ANAPC1: variants seen among roughly 807,000 people sequenced by gnomAD.
ANAPC1 encodes anaphase-promoting complex subunit 1.
A neutral mutation model predicts 208.0 loss-of-function variants in ANAPC1; 36 were observed. That is an observed-to-expected ratio of 0.17 (90% confidence interval 0.13 to 0.23). The LOEUF (loss-of-function observed/expected upper bound fraction) is 0.23, where lower values mean the gene tolerates loss of function less well. ANAPC1 is among the 10% of genes least tolerant of loss of function. The pLI is 1.00. For missense variants in ANAPC1, 942 were observed against 2,011.6 expected (o/e 0.47, Z 10.17); for synonymous variants, 378 against 695.2 (o/e 0.54, Z 7.18).
At chr2:111,807,561 G>A (rs1326924732) in intron 29 of ANAPC1, among the ~76,000 whole-genome samples, 2 of 149,728 alleles carry the variant, frequency 1.3e-5, no homozygotes, top group African/African-American at 2.5e-5. Context: ...GCATAGTGGC[G>A]GGCGCCTGTA....
intron 17 of ANAPC1, among the ~76,000 whole-genome samples, chr2:111,839,550 T>A (rs1680646517): frequency 2.0e-5 from 3 of 152,238 alleles, no homozygotes; most frequent in South Asian, 4.1e-4. Flanking sequence ...AGTTGATTTC[T>A]ATATAAAAAC....
chr2:111,794,492 C>T (rs890227551), intron 35 of ANAPC1, among the ~76,000 whole-genome samples, 169 bp from the exon 36 acceptor site: 8 of 151,798 alleles, frequency 5.3e-5, no homozygotes, highest in Non-Finnish European at 1.0e-4. Flanking sequence ...GCAGAAGCAT[C>T]GGGTCACCTT....
chr2:111,831,613 G>A (rs909557141), intron 20 of ANAPC1, among the ~76,000 whole-genome samples, 179 bp from the exon 21 acceptor site: 35 of 151,960 alleles, frequency 2.3e-4, no homozygotes, highest in African/African-American at 8.0e-4. Flanking sequence ...GCCCAAGCAG[G>A]TGGATCACGA....
chr2:111,859,585 A>T (rs1403565667), intron 10 of ANAPC1, among the ~76,000 whole-genome samples: 4 of 152,246 alleles, frequency 2.6e-5, no homozygotes, highest in Admixed American at 6.5e-5. Context: ...AAAATGATTT[A>T]TAATTGTAGG....
chr2:111,824,365 A>AT (rs1420238224), intron 24 of ANAPC1, among the ~76,000 whole-genome samples: 5 of 151,914 alleles, frequency 3.3e-5, no homozygotes, highest in African/African-American at 9.7e-5. Context: ...TAACATCCTC[A>AT]TTTTTAAAAT....
chr2:111,826,818 G>A (rs1679863258), intron 21 of ANAPC1, among the ~76,000 whole-genome samples: 3 of 151,934 alleles, frequency 2.0e-5, no homozygotes, highest in South Asian at 2.1e-4. Context: ...GCGCCACCAC[G>A]CCCAGCTAAT....
At chr2:111,785,930 A>G (rs1677522392) in intron 39 of ANAPC1, among the ~76,000 whole-genome samples, 2 of 152,184 alleles carry the variant, frequency 1.3e-5, no homozygotes, top group South Asian at 2.1e-4. Context: ...GTTCTTCTAC[A>G]CATACATACT....
chr2:111,867,584 C>G (rs1455286861), intron 7 of ANAPC1, among the ~76,000 whole-genome samples: 1 of 149,812 alleles, frequency 6.7e-6, no homozygotes, highest in Non-Finnish European at 1.5e-5. Flanking sequence ...CCCAGCTACT[C>G]GGGAGGCTGA....
At chr2:111,777,929 T>C (rs1413918998) in intron 45 of ANAPC1, among the ~76,000 whole-genome samples, 2 of 152,290 alleles carry the variant, frequency 1.3e-5, no homozygotes, top group Admixed American at 6.5e-5. Flanking sequence ...TAAAACTAGA[T>C]TCTGGATCTC....
intron 28 of ANAPC1, among the ~76,000 whole-genome samples, chr2:111,812,885 C>T (rs1322241706): frequency 1.7e-5 from 2 of 116,462 alleles, no homozygotes; most frequent in Admixed American, 9.1e-5. Context: ...ATTCTATGAC[C>T]GGCTGTTATC....
rs80165604 is a variant in ANAPC1 at position 111,834,672 on chromosome 2, C to T, written c.2316G>A (p.Glu772=). 1.7e-3 allele frequency: 2,720 copies of T among 1,613,430 alleles called. 54 individuals carry two copies. In the African/African-American group the frequency reaches 0.032, roughly 19 times the overall value. ...CTCCCATTAGAGTATTCAACTTAAG[C>T]TCCTCATACACAAGGTGAAGAACGA... The part of the protein sequence containing the change: ...IFFVLHLVYE[E]LKLNTLMGEG... The change falls in exon 19 of 48, where the codon GAG becomes GAA. Residue 772 remains glutamate (E), a synonymous_variant. Transcript: ENST00000341068.
intron 21 of ANAPC1, among the ~76,000 whole-genome samples, chr2:111,827,061 A>G (rs1679877838): frequency 6.6e-6 from 1 of 151,844 alleles, no homozygotes; most frequent in African/African-American, 2.4e-5. Context: ...AGTTTTGCAA[A>G]GTGCCATGCC....
chr2:111,831,568 A>G (rs1461260466), intron 20 of ANAPC1, 134 bp from the exon 21 acceptor site: 12 of 819,206 alleles, frequency 1.5e-5, no homozygotes, highest in Non-Finnish European at 2.1e-5. Context: ...AGCTGGGTGC[A>G]GTGGCTCACG....
At chr2:111,877,507 T>C (rs1683080716) in intron 3 of ANAPC1, among the ~76,000 whole-genome samples, 1 of 152,242 alleles carries the variant, frequency 6.6e-6, no homozygotes, top group African/African-American at 2.4e-5. Context: ...CTGGGCATGA[T>C]GGCTCACGCC....
Position 111,823,645 on chromosome 2 carries a change from G to A in ANAPC1, c.2813-1045C>T, listed in dbSNP as rs528508994. Among the ~76,000 whole-genome samples the A allele has an allele frequency of 4.6e-5, 7 of 152,164 alleles. No homozygotes were observed. The South Asian group carries it at 1.5e-3, about 32-fold the overall frequency. ...CTGCTACTGCTACATGAGTCGACAT[G>A]GATGAATCTTTAAAAAACAAAGTTG... On this transcript the variant is annotated intron_variant, in intron 24 of 47. Transcript: ENST00000341068.
intron 17 of ANAPC1, among the ~76,000 whole-genome samples, chr2:111,840,505 T>C (rs1680703698): frequency 6.6e-6 from 1 of 152,082 alleles, no homozygotes; most frequent in Admixed American, 6.5e-5. Flanking sequence ...AAGGAAAAAA[T>C]GGGTAGGTGC....
In ANAPC1 at chr2:111,868,229, A is replaced by C. The variant is rs1573504341; in HGVS notation, c.612-133T>G. 5.5e-6 allele frequency: 3 copies of C among 544,146 alleles called. No homozygotes were observed. The East Asian group carries it at 9.2e-5, about 17-fold the overall frequency. 33.7% of individuals were successfully genotyped at this position (544,146 alleles called of 1,614,324 possible). ...CTACTATCTCAAAATGCAATCTTCTAAACTTTGTACATACTATTTTTCACA... is the reference window on the plus strand; with the variant it reads ...CTACTATCTCAAAATGCAATCTTCTCAACTTTGTACATACTATTTTTCACA... On this transcript the variant is annotated intron_variant, in intron 6 of 47. Transcript: ENST00000341068.
At chr2:111,850,317 T>C (rs571297230) in intron 14 of ANAPC1, among the ~76,000 whole-genome samples, 1 of 151,858 alleles carries the variant, frequency 6.6e-6, no homozygotes, top group Non-Finnish European at 1.5e-5. Flanking sequence ...GAATGCTCCT[T>C]TCTACCTACA....
chr2:111,826,478 C>A (rs1420591074), intron 21 of ANAPC1, among the ~76,000 whole-genome samples: 1 of 152,116 alleles, frequency 6.6e-6, no homozygotes, highest in East Asian at 1.9e-4. Context: ...TGTGCTACTT[C>A]TTTAACTTAG....
Sources: allele counts gnomAD v4.1 joint callset (sites outside exome capture counted in the v4.1 genomes callset), GRCh38; gene constraint gnomAD v4.1.1; transcripts MANE v1.5; gene names NCBI Gene and HGNC (gene_info 2026-07-23, HGNC 2026-07-21).